Variants in CHODL observed in about 807,000 individuals in gnomAD.
The protein encoded by CHODL is chondrolectin.
A neutral mutation model predicts 34.5 loss-of-function variants in CHODL; 29 were observed. The ratio of observed to expected loss-of-function variants is 0.84; its 90% CI spans 0.63 to 1.15. The LOEUF is 1.15. CHODL is among the 50% of genes most tolerant of loss of function. The probability of loss-of-function intolerance (pLI) is 0.00; values close to 1 mark genes in which losing one functional copy is unlikely to be tolerated. For missense variants in CHODL, 332 were observed against 332.5 expected (o/e 1.00, Z 0.01); for synonymous variants, 125 against 116.1 (o/e 1.08, Z -0.49).
intron 2 of CHODL, among the ~76,000 whole-genome samples, chr21:18,147,169 G>A (rs1040341508): frequency 1.3e-5 from 2 of 152,198 alleles, no homozygotes; most frequent in Non-Finnish European, 2.9e-5. Flanking sequence ...TTCCTCCTGT[G>A]TTTGGGCTTA....
At chr21:18,264,601 C>CAA (rs564344974) in intron 5 of CHODL, among the ~76,000 whole-genome samples, 146 of 67,676 alleles carry the variant, frequency 2.2e-3, no homozygotes, top group East Asian at 5.4e-3. Flanking sequence ...GGGTCTGTCT[C>CAA]AAAAAAAAAA....
chr21:18,143,338 T>G (rs2146613376), intron 2 of CHODL, among the ~76,000 whole-genome samples: 1 of 152,282 alleles, frequency 6.6e-6, no homozygotes, highest in Admixed American at 6.5e-5. Context: ...CCAATATTTC[T>G]CCAATATCTA....
At chr21:18,254,713 C>T (rs1021304666) in intron 1 of CHODL, among the ~76,000 whole-genome samples, 20 of 148,842 alleles carry the variant, frequency 1.3e-4, no homozygotes, top group Non-Finnish European at 1.0e-4. Flanking sequence ...ATCTGTTTAT[C>T]GTCTGTCTAT....
intron 1 of CHODL, among the ~76,000 whole-genome samples, chr21:17,938,164 G>T (rs894449811): frequency 6.6e-6 from 1 of 152,220 alleles, no homozygotes; most frequent in Admixed American, 6.5e-5. Context: ...TATCCCACTA[G>T]GCACCACAGT....
intron 2 of CHODL, among the ~76,000 whole-genome samples, chr21:18,128,251 A>G (rs992908102): frequency 2.4e-5 from 3 of 125,676 alleles, no homozygotes; most frequent in Non-Finnish European, 3.2e-5. Context: ...CAGTGAGCCC[A>G]GATCGCGCCA....
intron 1 of CHODL, among the ~76,000 whole-genome samples, chr21:17,976,834 CTCT>C (rs1204301670): frequency 2.0e-5 from 3 of 152,158 alleles, no homozygotes; most frequent in Non-Finnish European, 4.4e-5. Flanking sequence ...ACAAGACACC[CTCT>C]TCTTTCATGT....
chr21:18,199,510 G>A (rs2073627834), intron 2 of CHODL, among the ~76,000 whole-genome samples: 1 of 151,992 alleles, frequency 6.6e-6, no homozygotes. Context: ...CTGATGTCAG[G>A]ATTCACTCTG....
chr21:18,077,989 G>A (rs984881414), intron 2 of CHODL, among the ~76,000 whole-genome samples: 3 of 152,148 alleles, frequency 2.0e-5, no homozygotes, highest in African/African-American at 4.8e-5. Context: ...TCAGTATAAC[G>A]TGTGGTTAGA....
chr21:18,140,810 A>T (rs1180216954), intron 2 of CHODL, among the ~76,000 whole-genome samples: 1 of 152,116 alleles, frequency 6.6e-6, no homozygotes, highest in Non-Finnish European at 1.5e-5. Context: ...GAGCTCTTGC[A>T]TCTTGAAAAA....
chr21:18,194,745 T>A (rs2073562358), intron 2 of CHODL, among the ~76,000 whole-genome samples: 1 of 152,150 alleles, frequency 6.6e-6, no homozygotes, highest in Admixed American at 6.5e-5. Flanking sequence ...CCTTACATAC[T>A]TATCATTTTT....
chr21:18,119,456 G>A (rs765107477), intron 2 of CHODL, among the ~76,000 whole-genome samples: 80 of 152,058 alleles, frequency 5.3e-4, no homozygotes, highest in Non-Finnish European at 1.0e-3. Flanking sequence ...AGTGCTAACC[G>A]TGGGAGAAAG....
intron 2 of CHODL, among the ~76,000 whole-genome samples, chr21:18,087,981 G>A (rs982803086): frequency 2.0e-5 from 3 of 152,106 alleles, no homozygotes; most frequent in Admixed American, 6.5e-5. Context: ...GATGGAGCAG[G>A]AGAGAGAGGA....
Position 18,236,555 on chromosome 21 carries a change from C to T in CHODL, c.-44-19954C>T, listed in dbSNP as rs563619834. On this transcript the variant is annotated intron_variant, in intron 2 of 6. Coordinates refer to the CHODL transcript ENST00000400127. The stretch of plus-strand genomic sequence containing the variant: ...TCTAAGGTTTCTTTGGAAGGAAGTA[C>T]GGTCATATGGCCACTTGACTCCAGT... 5.3e-4 allele frequency among the ~76,000 whole-genome samples: 81 copies of T among 152,126 alleles called. 1 individual carries two copies. The highest frequency in any genetic ancestry group is 4.1e-4 in the South Asian group (2 of 4,824).
At chr21:18,186,208 TA>T (rs2073439385) in intron 2 of CHODL, among the ~76,000 whole-genome samples, 1 of 152,178 alleles carries the variant, frequency 6.6e-6, no homozygotes, top group South Asian at 2.1e-4. Flanking sequence ...TAGCTCACTT[TA>T]CTTTTAGTTT....
intron 2 of CHODL, among the ~76,000 whole-genome samples, chr21:18,184,492 T>C (rs1218153882): frequency 1.3e-5 from 2 of 152,134 alleles, no homozygotes; most frequent in East Asian, 3.8e-4. Context: ...TTTTAGAGAG[T>C]CTGAAATAGG....
chr21:18,175,559 C>G (rs2146668146), intron 2 of CHODL, among the ~76,000 whole-genome samples: 1 of 151,556 alleles, frequency 6.6e-6, no homozygotes, highest in East Asian at 1.9e-4. Context: ...CGCCATTGCA[C>G]TCCAGCCCGG....
intron 2 of CHODL, among the ~76,000 whole-genome samples, chr21:18,073,829 A>G (rs1211384493): frequency 6.6e-6 from 1 of 152,104 alleles, no homozygotes; most frequent in Non-Finnish European, 1.5e-5. Context: ...TCATTTATGT[A>G]ACTTATTACA....
chr21:18,137,381 A>T (rs1271592703), intron 2 of CHODL, among the ~76,000 whole-genome samples: 1 of 152,212 alleles, frequency 6.6e-6, no homozygotes, highest in African/African-American at 2.4e-5. Context: ...AAGATTCAGG[A>T]TAATGGACAA....
At chr21:18,064,964 T>A (rs1028372949) in intron 2 of CHODL, among the ~76,000 whole-genome samples, 1 of 152,232 alleles carries the variant, frequency 6.6e-6, no homozygotes, top group African/African-American at 2.4e-5. Flanking sequence ...TAGTAATTAT[T>A]CTATCTTTGT....
Sources: allele counts gnomAD v4.1 joint callset (sites outside exome capture counted in the v4.1 genomes callset), GRCh38; gene constraint gnomAD v4.1.1; transcripts MANE v1.5; gene names NCBI Gene and HGNC (gene_info 2026-07-23, HGNC 2026-07-21).